Variants in ASXL2 observed in about 807,000 individuals in gnomAD.
ASXL2 encodes putative Polycomb group protein ASXL2.
ASXL2 carries 23 observed loss-of-function variants against 122.0 expected under a neutral mutation model. The observed-to-expected ratio is 0.19, with a 90% CI of 0.14 to 0.27. The LOEUF (loss-of-function observed/expected upper bound fraction) is 0.27, where lower values mean the gene tolerates loss of function less well. ASXL2 is among the 10% of genes least tolerant of loss of function. ASXL2 has a pLI of 1.00. For missense variants in ASXL2, 1,518 were observed against 1,713.8 expected, an observed-to-expected ratio of 0.89 and a Z score of 2.02; for synonymous variants, 650 against 637.0, an observed-to-expected ratio of 1.02 and a Z score of -0.31.
intron 1 of ASXL2, among the ~76,000 whole-genome samples, chr2:25,852,595 C>G (rs1010533422): frequency 2.0e-5 from 3 of 151,844 alleles, no homozygotes; most frequent in African/African-American, 7.3e-5. Flanking sequence ...TTGTGCCATA[C>G]CAGTAAATCA....
At chr2:25,816,876 A>G (rs1251075250) in intron 3 of ASXL2, among the ~76,000 whole-genome samples, 6 of 152,158 alleles carry the variant, frequency 3.9e-5, no homozygotes, top group African/African-American at 1.4e-4. Flanking sequence ...TGTAATCCCA[A>G]CACTTTGGGA....
chr2:25,819,302 C>T (rs2089279089), intron 3 of ASXL2, among the ~76,000 whole-genome samples: 1 of 152,094 alleles, frequency 6.6e-6, no homozygotes, highest in Non-Finnish European at 1.5e-5. Flanking sequence ...TGTTAAGCAG[C>T]AATAGATTAA....
chr2:25,765,757 AT>A (rs763944023), intron 8 of ASXL2, among the ~76,000 whole-genome samples: 4 of 152,162 alleles, frequency 2.6e-5, no homozygotes, highest in Admixed American at 6.5e-5. Context: ...ATTTTAACTG[AT>A]TTTAAGTAGA....
At chr2:25,790,471 A>G (rs945257026) in intron 5 of ASXL2, among the ~76,000 whole-genome samples, 1 of 152,094 alleles carries the variant, frequency 6.6e-6, no homozygotes, top group African/African-American at 2.4e-5. Flanking sequence ...TTTTAACTAT[A>G]TCAAGACCCT....
In ASXL2 at chr2:25,781,959, CTTTTTTCTTTTTTTTTTT is replaced by C. The variant is rs1446888375; in HGVS notation, c.404-10437_404-10420del. Among the ~76,000 whole-genome samples the C allele has an allele frequency of 2.1e-4, 19 of 88,400 alleles. 1 individual carries two copies. Among genetic ancestry groups the C allele is most frequent in the Non-Finnish European group, 4.2e-4 (18 of 42,690 alleles). The allele number at this position is 88,400 out of a possible 152,430, so 58.0% of individuals were successfully genotyped here. ...TAACAGGCGTGAGCCACCGCCCGGG[CTTTTTTCTTTTTTTTTTT>C]TTTTTTTTGTAGAGACAGAGTCTCG... On this transcript the variant is annotated intron_variant, in intron 5 of 12. Coordinates refer to ENST00000435504, the MANE Select transcript of ASXL2 (RefSeq NM_018263.6).
chr2:25,874,263 C>T (rs2089992989), intron 1 of ASXL2, among the ~76,000 whole-genome samples: 1 of 152,118 alleles, frequency 6.6e-6, no homozygotes, highest in Non-Finnish European at 1.5e-5. Flanking sequence ...CAGAGGTGGG[C>T]AGATCGCTTG....
At chr2:25,767,345 C>A (rs1452308601) in intron 8 of ASXL2, among the ~76,000 whole-genome samples, 2 of 152,146 alleles carry the variant, frequency 1.3e-5, no homozygotes, top group Non-Finnish European at 2.9e-5. Flanking sequence ...TGAACATAGT[C>A]AAGAGCTCAA....
intron 3 of ASXL2, among the ~76,000 whole-genome samples, chr2:25,808,105 A>AG (rs1418127978): frequency 1.3e-5 from 2 of 151,844 alleles, no homozygotes; most frequent in Admixed American, 1.3e-4. Context: ...GGGAAAAAAA[A>AG]CAACCAAAAC....
intron 8 of ASXL2, among the ~76,000 whole-genome samples, chr2:25,766,352 A>AT (rs1238857687): frequency 6.6e-6 from 1 of 152,042 alleles, no homozygotes; most frequent in Non-Finnish European, 1.5e-5. Context: ...ATGTTCTTAT[A>AT]TTGTTTTTTA....
chr2:25,770,017 T>C (rs2088418911), intron 6 of ASXL2, among the ~76,000 whole-genome samples: 3 of 152,202 alleles, frequency 2.0e-5, no homozygotes, highest in South Asian at 2.1e-4. Context: ...TGACTGACCA[T>C]TGATTATCGC....
At position 25,767,566 on chromosome 2, in the gene ASXL2, T is replaced by G; in HGVS notation, c.775+17A>C. On this transcript the variant is annotated intron_variant, in intron 8 of 12. Transcript: ENST00000435504. ...AATCATGGCAATGAAAACTGAAGTC[T>G]TTGTAAGCAAACTTACTGGTATGGA... 1.1e-5 allele frequency: 18 copies of G among 1,607,162 alleles called. No homozygotes were observed. Among genetic ancestry groups the G allele is most frequent in the Non-Finnish European group, 1.5e-5 (18 of 1,176,704 alleles).
chr2:25,769,299 C>A (rs1335327615), intron 6 of ASXL2, among the ~76,000 whole-genome samples: 1 of 152,198 alleles, frequency 6.6e-6, no homozygotes, highest in Non-Finnish European at 1.5e-5. Context: ...AGAGCCCTAT[C>A]TGCATCAAAC....
chr2:25,741,553 C>T lies in ASXL2; in HGVS notation c.*476G>A, dbSNP rs1254111094. On this transcript the variant is annotated 3_prime_UTR_variant, in exon 13 of 13. Coordinates refer to ENST00000435504, the MANE Select transcript of ASXL2 (RefSeq NM_018263.6). ...TGAATAATCTATGAATAACCTGCGGCCAGACTGTCCAGACAAAATCAGTGT... is the reference window on the plus strand; with the variant it reads ...TGAATAATCTATGAATAACCTGCGGTCAGACTGTCCAGACAAAATCAGTGT... The T allele has an allele frequency of 1.3e-5, 3 of 232,312 alleles. No individual in the cohort carries two copies. Among genetic ancestry groups the T allele is most frequent in the Non-Finnish European group, 2.6e-5 (3 of 117,362 alleles). 14.4% of individuals were successfully genotyped at this position (232,312 alleles called of 1,614,324 possible). A position where few individuals can be genotyped will look rare whatever the true frequency, so the allele number is the denominator to read the frequency against.
At chr2:25,799,306 T>G (rs533565474) in intron 5 of ASXL2, 79 bp downstream of exon 5, 1 of 1,593,466 alleles carries the variant, frequency 6.3e-7, no homozygotes, top group Admixed American at 1.7e-5. Context: ...TGACCTGGAG[T>G]CTGGGAAAAG....
rs1208013812 is a variant in ASXL2 at position 25,759,584 on chromosome 2, A to G, written c.837T>C (p.Val279=). 6.2e-7 allele frequency: 1 copy of G among 1,613,904 alleles called. No homozygotes were observed. Among genetic ancestry groups the G allele is most frequent in the African/African-American group, 1.3e-5 (1 of 75,048 alleles). Residue 279 remains valine, a synonymous_variant, in exon 9 of 13, where the codon GTT becomes GTC. Transcript: ENST00000435504. ...TGATCAGTGCTCGCAGATTTGTATT[A>G]ACCAGAATGGAGTCCGGTGTCTCAA... ...IDVETPDSIL[V]NTNLRALINK...
rs1574386042 is a variant in ASXL2, at chr2:25,738,023, A to C, written c.*4006T>G. ...TCTTTTAAAATAAAAAATAAACCCC[A>C]AAACTATTCCCCTTATTGCATTTTT... On this transcript the variant is annotated 3_prime_UTR_variant, in exon 13 of 13. Coordinates refer to ENST00000435504, the MANE Select transcript of ASXL2 (RefSeq NM_018263.6). 1.3e-5 allele frequency: 2 copies of C among 152,166 alleles called. No homozygotes were observed. The highest frequency in any genetic ancestry group is 2.9e-5 in the Non-Finnish European group (2 of 68,022). 9.4% of individuals were successfully genotyped at this position (152,166 alleles called of 1,614,324 possible). A position where few individuals can be genotyped will look rare whatever the true frequency, so the allele number is the denominator to read the frequency against.
At chr2:25,771,691 C>T (rs1030261402) in intron 5 of ASXL2, among the ~76,000 whole-genome samples, 151 bp from the exon 6 acceptor site, 4 of 152,162 alleles carry the variant, frequency 2.6e-5, no homozygotes, top group Non-Finnish European at 5.9e-5. Flanking sequence ...TGCAAACAGC[C>T]TCCCTTTTCA....
chr2:25,804,778 G>A (rs1169174068), intron 4 of ASXL2, among the ~76,000 whole-genome samples: 5 of 152,212 alleles, frequency 3.3e-5, no homozygotes, highest in Non-Finnish European at 7.3e-5. Flanking sequence ...GGCCGGGCAC[G>A]GTGGCTCACG....
At chr2:25,782,978 A>G (rs13034306) in intron 5 of ASXL2, among the ~76,000 whole-genome samples, 57,693 of 151,582 alleles carry the variant, frequency 0.38, 12,884 homozygotes, top group Non-Finnish European at 0.51. Flanking sequence ...AAATACAAAA[A>G]ATTAGCCGGG....
Sources: allele counts gnomAD v4.1 joint callset (sites outside exome capture counted in the v4.1 genomes callset), GRCh38; gene constraint gnomAD v4.1.1; transcripts MANE v1.5; gene names NCBI Gene and HGNC (gene_info 2026-07-23, HGNC 2026-07-21).